Variants in RGS22 observed in about 807,000 individuals in gnomAD.
The protein encoded by RGS22 is regulator of G protein signaling 22, also known as regulator of G-protein signaling 22.
In RGS22, 148 loss-of-function variants were observed where a neutral mutation model predicts 172.9. The ratio of observed to expected loss-of-function variants is 0.86; its 90% CI spans 0.75 to 0.98. The LOEUF (loss-of-function observed/expected upper bound fraction) is 0.98. Among genes scored for constraint, RGS22 ranks in the 50% least tolerant of loss-of-function variants. The pLI is 0.00. For synonymous variants in RGS22, 458 were observed against 480.2 expected, an observed-to-expected ratio of 0.95 and a Z score of 0.60; for missense variants, 1,347 against 1,440.8, an observed-to-expected ratio of 0.93 and a Z score of 1.05.
At chr8:100,078,203 G>A (rs994391299) in intron 4 of RGS22, among the ~76,000 whole-genome samples, 4 of 151,684 alleles carry the variant, frequency 2.6e-5, no homozygotes, top group East Asian at 1.9e-4. Flanking sequence ...GGGTGCTTAC[G>A]CCATTTAAAT....
chr8:99,990,704 C>A (rs1215814733), intron 20 of RGS22, among the ~76,000 whole-genome samples: 2 of 152,168 alleles, frequency 1.3e-5, no homozygotes, highest in African/African-American at 2.4e-5. Context: ...CATAACTGAA[C>A]AAAAGGCAGC....
chr8:99,986,425 A>G (rs1813105013), intron 21 of RGS22, among the ~76,000 whole-genome samples: 1 of 152,192 alleles, frequency 6.6e-6, no homozygotes, highest in Non-Finnish European at 1.5e-5. Context: ...ATTTGAAAGC[A>G]TTATGCTCCT....
At chr8:100,097,143 G>A (rs776667426) in intron 2 of RGS22, among the ~76,000 whole-genome samples, 26 of 152,190 alleles carry the variant, frequency 1.7e-4, no homozygotes, top group Non-Finnish European at 2.4e-4. Context: ...CAGCATAGCA[G>A]GTGTCTCTGG....
intron 10 of RGS22, among the ~76,000 whole-genome samples, chr8:100,049,262 C>T (rs753331748): frequency 1.3e-5 from 2 of 152,112 alleles, no homozygotes; most frequent in African/African-American, 4.8e-5. Context: ...ATTTACAGAA[C>T]TATACACTAA....
chr8:100,008,535 G>C lies in RGS22; in HGVS notation c.2201C>G (p.Thr734Ser), dbSNP rs1815997788. ...LFATYVAPSA[T>S]LDIGLQQEKK... Reference sequence around the variant, plus strand: ...TTCCTGTTGGAGTCCAATGTCAAGAGTGGCAGAAGGAGCAACGTATGTGGC... The same window carrying C: ...TTCCTGTTGGAGTCCAATGTCAAGACTGGCAGAAGGAGCAACGTATGTGGC... The change falls in exon 15 of 28, where the codon ACT becomes AGT. Residue 734 changes from threonine (T) to serine (S), a missense_variant. Physicochemically the swap from Thr to Ser is moderately conservative, Grantham distance 58. Transcript: ENST00000360863. 4 of 1,610,988 alleles carry C rather than the reference G, an allele frequency of 2.5e-6. No individual in the cohort carries two copies. The highest frequency in any genetic ancestry group is 1.3e-5 in the African/African-American group (1 of 74,436).
chr8:99,996,737 G>C (rs1410677513), intron 19 of RGS22, among the ~76,000 whole-genome samples: 1 of 152,166 alleles, frequency 6.6e-6, no homozygotes, highest in African/African-American at 2.4e-5. Flanking sequence ...CTGTAAAATA[G>C]AGATAATACT....
intron 2 of RGS22, among the ~76,000 whole-genome samples, chr8:100,094,781 A>C (rs1812837232): frequency 6.6e-6 from 1 of 152,240 alleles, no homozygotes; most frequent in African/African-American, 2.4e-5. Flanking sequence ...AGTTACTTTA[A>C]TAATTCCTAC....
At chr8:100,052,157 A>T (rs371471869) in intron 10 of RGS22, among the ~76,000 whole-genome samples, 1,077 of 34,596 alleles carry the variant, frequency 0.031, 414 homozygotes, top group Non-Finnish European at 0.043. Flanking sequence ...TAATATATAT[A>T]TAAATATATA....
chr8:100,050,537 T>C (rs991713070), intron 10 of RGS22, among the ~76,000 whole-genome samples: 2 of 152,104 alleles, frequency 1.3e-5, no homozygotes, highest in East Asian at 3.8e-4. Flanking sequence ...AAATAAGACA[T>C]CCTGAATATA....
intron 3 of RGS22, among the ~76,000 whole-genome samples, chr8:100,085,477 C>T (rs1008884230): frequency 3.9e-5 from 6 of 152,164 alleles, no homozygotes; most frequent in Non-Finnish European, 8.8e-5. Context: ...AAGGTGAAAT[C>T]ATATTTAGTC....
chr8:99,983,465 C>A (rs1005813280), intron 21 of RGS22, among the ~76,000 whole-genome samples: 5 of 152,094 alleles, frequency 3.3e-5, no homozygotes, highest in African/African-American at 1.2e-4. Context: ...CACCAAGCAG[C>A]TGTTATTTTC....
chr8:100,015,278 G>GTTTTC (rs1332376449), intron 14 of RGS22, among the ~76,000 whole-genome samples: 3 of 151,394 alleles, frequency 2.0e-5, no homozygotes, highest in South Asian at 2.1e-4. Flanking sequence ...TGTGTTTCCA[G>GTTTTC]TTTTCTTTTC....
intron 4 of RGS22, among the ~76,000 whole-genome samples, chr8:100,079,595 G>A (rs2131894415): frequency 6.6e-6 from 1 of 152,300 alleles, no homozygotes; most frequent in East Asian, 1.9e-4. Context: ...TCATTTGACA[G>A]ATGATGAAAA....
intron 21 of RGS22, among the ~76,000 whole-genome samples, chr8:99,983,497 T>A (rs1011513082): frequency 1.3e-5 from 2 of 152,088 alleles, no homozygotes; most frequent in Non-Finnish European, 2.9e-5. Flanking sequence ...TAATAGCCAT[T>A]CTGATTGGTG....
At chr8:100,038,652 T>C (rs1289377676) in intron 14 of RGS22, 1 of 252,744 alleles carries the variant, frequency 4.0e-6, no homozygotes, top group East Asian at 7.6e-5. Flanking sequence ...CAAAAAGGTA[T>C]ACATTAGAAA....
At chr8:100,082,580 C>G (rs1312601618) in intron 3 of RGS22, among the ~76,000 whole-genome samples, 1 of 152,152 alleles carries the variant, frequency 6.6e-6, no homozygotes, top group African/African-American at 2.4e-5. Flanking sequence ...TGACATAGCT[C>G]TTTACAAAAA....
In RGS22 at chr8:100,045,053, G is replaced by T. The variant is rs148164016; in HGVS notation, c.1823+2410C>A. Among the ~76,000 whole-genome samples the T allele has an allele frequency of 1.8e-3, 273 of 151,922 alleles. 1 individual carries two copies. Among genetic ancestry groups the T allele is most frequent in the African/African-American group, 6.0e-3 (247 of 41,434 alleles). On this transcript the variant is annotated intron_variant, in intron 11 of 27. Coordinates refer to ENST00000360863, the MANE Select transcript of RGS22 (RefSeq NM_015668.5). ...ATCCCAGCACTTTGGGAGGTGGGAG[G>T]ATTGCTTGAGGCCAGGAGTTCAAGA... is the stretch of plus-strand genomic sequence containing the variant.
chr8:100,002,069 T>C (rs1411249498), intron 18 of RGS22, 133 bp downstream of exon 18: 1 of 567,534 alleles, frequency 1.8e-6, no homozygotes, highest in Non-Finnish European at 2.9e-6. Context: ...CCTAAATAAA[T>C]ATCAAAGGTC....
intron 23 of RGS22, among the ~76,000 whole-genome samples, chr8:99,973,002 A>T (rs1034164774): frequency 1.3e-5 from 2 of 151,098 alleles, no homozygotes; most frequent in African/African-American, 4.9e-5. Context: ...AAAAAAAAAA[A>T]GTCAGGAAAC....
Sources: gnomAD v4.1 joint callset for allele counts (sites outside exome capture counted in the v4.1 genomes callset) on GRCh38, gnomAD v4.1.1 for gene constraint, MANE v1.5 for transcripts, NCBI Gene and HGNC (gene_info 2026-07-23, HGNC 2026-07-21) for gene names.